The following SLC26A4 variants were observed in gnomAD, a reference collection of about 807,000 sequenced individuals.
SLC26A4 encodes solute carrier family 26 member 4, also known as pendrin.
SLC26A4 carries 93 observed loss-of-function variants against 90.4 expected under a neutral mutation model. The ratio of observed to expected loss-of-function variants is 1.03; its 90% CI spans 0.87 to 1.22. The LOEUF (loss-of-function observed/expected upper bound fraction) is 1.22, where lower values mean the gene tolerates loss of function less well. Among genes scored for constraint, SLC26A4 ranks in the 50% most tolerant of loss-of-function variants. The pLI is 0.00. For synonymous variants in SLC26A4, 393 were observed against 354.6 expected (o/e 1.11, Z -1.22); for missense variants, 1,127 against 946.2 (o/e 1.19, Z -2.51).
rs111033244 is a variant in SLC26A4, at chr7:107,690,125, A to G, written c.1151A>G (p.Glu384Gly). The change falls in exon 10 of 21, where the codon GAA becomes GGA. Residue 384 changes from glutamate to glycine, a missense_variant and splice_region_variant. Transcript: ENST00000644269. ...KYDYTIDGNQ[E>G]FIAFGISNIF... is the part of the protein sequence containing the mutation. ...GTTGTCATCCAGTCTCTTCCTTAGG[A>G]ATTCATTGCCTTTGGGATCAGCAAC... The G allele has an allele frequency of 3.5e-4, 555 of 1,577,404 alleles. No homozygotes were observed. The highest frequency in any genetic ancestry group is 4.7e-4 in the Non-Finnish European group (537 of 1,146,704).
In SLC26A4 at chr7:107,701,740, T is replaced by G. The variant is rs149124215; in HGVS notation, c.1804-87T>G. 1.6e-3 allele frequency: 1,443 copies of G among 885,454 alleles called. 20 individuals carry two copies. In the African/African-American group the frequency reaches 0.022, roughly 13 times the overall value. The allele number at this position is 885,454 out of a possible 1,614,324, so 54.8% of individuals were successfully genotyped here. A position where few individuals can be genotyped will look rare whatever the true frequency, so the allele number is the denominator to read the frequency against. ...TGATGTCTTGCTTACCAAGGAACAG[T>G]GTGTAGGTCTTTTGGATAATTTGAT... On this transcript the variant is annotated intron_variant, in intron 16 of 20. Transcript: ENST00000644269.
intron 18 of SLC26A4, among the ~76,000 whole-genome samples, chr7:107,705,063 G>T (rs1562841224): frequency 6.6e-6 from 1 of 152,218 alleles, no homozygotes; most frequent in East Asian, 1.9e-4. Flanking sequence ...ACCGAAGGCT[G>T]CTCTACTCCT....
At chr7:107,685,193 A>C (rs1242512226) in intron 8 of SLC26A4, among the ~76,000 whole-genome samples, 1 of 152,184 alleles carries the variant, frequency 6.6e-6, no homozygotes, top group Admixed American at 6.5e-5. Flanking sequence ...CTCATCTCAC[A>C]GTAAGCTCTC....
intron 18 of SLC26A4, among the ~76,000 whole-genome samples, chr7:107,706,477 A>G (rs74626916): frequency 6.6e-6 from 1 of 152,152 alleles, no homozygotes; most frequent in Non-Finnish European, 1.5e-5. Flanking sequence ...AATTGCTTTG[A>G]TAGAAATTTT....
intron 20 of SLC26A4, 118 bp downstream of exon 20, chr7:107,712,740 G>GA: frequency 5.6e-6 from 4 of 710,984 alleles, no homozygotes; most frequent in Non-Finnish European, 1.0e-5. Flanking sequence ...CCCAAATGCA[G>GA]AAAAGATGGC....
At chr7:107,677,943 T>G (rs1464625287) in intron 6 of SLC26A4, among the ~76,000 whole-genome samples, 1 of 152,068 alleles carries the variant, frequency 6.6e-6, no homozygotes, top group Non-Finnish European at 1.5e-5. Context: ...AATTAAAATT[T>G]TAAGATTTTA....
chr7:107,683,055 C>T, intron 6 of SLC26A4, 147 bp from the exon 7 acceptor site: 1 of 645,840 alleles, frequency 1.5e-6, no homozygotes, highest in Admixed American at 2.7e-5. Flanking sequence ...TATCATTTTA[C>T]TGAAACTTTT....
intron 3 of SLC26A4, among the ~76,000 whole-genome samples, chr7:107,665,080 G>T (rs370785094): frequency 1.3e-5 from 2 of 152,076 alleles, no homozygotes; most frequent in African/African-American, 4.8e-5. Flanking sequence ...CACTCAAAGC[G>T]GTCTTAGGGG....
chr7:107,661,889 G>T lies in SLC26A4; in HGVS notation c.164+84G>T, dbSNP rs1790567356. On this transcript the variant is annotated intron_variant, in intron 2 of 20. Coordinates refer to ENST00000644269, the MANE Select transcript of SLC26A4 (RefSeq NM_000441.2). This position sits in a 1 kb window ranked among gnomAD's most constrained non-coding sequence, Gnocchi z 5.1. Reference sequence around the variant, plus strand: ...AGGGAAGGGCGTCCCCAGCGGGCGAGAGTGGGGTGCGGGCGGCGGAGCCCC... The same window carrying T: ...AGGGAAGGGCGTCCCCAGCGGGCGATAGTGGGGTGCGGGCGGCGGAGCCCC... 1 of 1,436,534 alleles carries T rather than the reference G, an allele frequency of 7.0e-7. No homozygotes were observed. Among genetic ancestry groups the T allele is most frequent in the Admixed American group, 2.2e-5 (1 of 44,878 alleles). The allele number at this position is 1,436,534 out of a possible 1,614,324, so 89.0% of individuals were successfully genotyped here.
intron 3 of SLC26A4, among the ~76,000 whole-genome samples, chr7:107,665,294 A>T (rs762631222): frequency 3.3e-5 from 5 of 152,232 alleles, no homozygotes; most frequent in Non-Finnish European, 7.3e-5. Context: ...CAGGCCAGGT[A>T]GATGCCCGAA....
chr7:107,685,598 A>G (rs186338519), intron 8 of SLC26A4, among the ~76,000 whole-genome samples: 2 of 152,340 alleles, frequency 1.3e-5, no homozygotes, highest in Admixed American at 6.5e-5. Context: ...ACAGCCAAAA[A>G]CAGTGGCTCC....
At chr7:107,664,686 A>T (rs1475850601) in intron 3 of SLC26A4, among the ~76,000 whole-genome samples, 3 of 152,204 alleles carry the variant, frequency 2.0e-5, no homozygotes, top group Non-Finnish European at 1.5e-5. Flanking sequence ...AAATGTGCCA[A>T]CATAGGTGGT....
In SLC26A4 at chr7:107,686,955, GT is replaced by G. The variant is rs148456847; in HGVS notation, c.1002-2091del. Among the ~76,000 whole-genome samples the G allele has an allele frequency of 1.8e-3, 273 of 152,270 alleles. 1 individual carries two copies. Among genetic ancestry groups the G allele is most frequent in the Middle Eastern group, 3.4e-3 (1 of 294 alleles). On this transcript the variant is annotated intron_variant, in intron 8 of 20. Coordinates refer to ENST00000644269, the MANE Select transcript of SLC26A4 (RefSeq NM_000441.2). Reference sequence around the variant, plus strand: ...GGGGCAAAGCCAACAAAACCACAGGGTTTTTTTCCTGGCTGCTTTCTGAGGG... The same window carrying G: ...GGGGCAAAGCCAACAAAACCACAGGGTTTTTTCCTGGCTGCTTTCTGAGGG...
chr7:107,690,263 C>T lies in SLC26A4; in HGVS notation c.1263+26C>T, dbSNP rs551281195. On this transcript the variant is annotated intron_variant, in intron 10 of 20. Transcript: ENST00000644269. ...GTAGGAACAACAGCCTTATGATATCCATCTCAGAGAACAAGTCGAGGAATG... is the reference window on the plus strand; with the variant it reads ...GTAGGAACAACAGCCTTATGATATCTATCTCAGAGAACAAGTCGAGGAATG... 4 of 1,301,300 alleles carry T rather than the reference C, an allele frequency of 3.1e-6. No homozygotes were observed. The South Asian group carries it at 4.7e-5, about 15-fold the overall frequency. 80.6% of individuals were successfully genotyped at this position (1,301,300 alleles called of 1,614,324 possible).
intron 13 of SLC26A4, among the ~76,000 whole-genome samples, chr7:107,697,202 G>A (rs1042687207): frequency 1.3e-5 from 2 of 152,088 alleles, no homozygotes; most frequent in Non-Finnish European, 2.9e-5. Flanking sequence ...GTGTGGATGT[G>A]GTTGGAAAAG....
intron 10 of SLC26A4, 44 bp downstream of exon 10, chr7:107,690,281 G>A (rs753546824): frequency 1.6e-5 from 19 of 1,170,102 alleles, no homozygotes; most frequent in South Asian, 1.1e-4. Context: ...AGAACAAGTC[G>A]AGGAATGGCA....
intron 3 of SLC26A4, among the ~76,000 whole-genome samples, chr7:107,665,577 G>T (rs1790685117): frequency 6.6e-6 from 1 of 152,142 alleles, no homozygotes; most frequent in African/African-American, 2.4e-5. Context: ...GAAAAAGATT[G>T]AATTGCATTC....
rs1790954303 is a variant in SLC26A4 at position 107,674,247 on chromosome 7, A to G, written c.499A>G (p.Asn167Asp). The G allele has an allele frequency of 6.2e-7, 1 of 1,614,110 alleles. No homozygotes were observed. Among genetic ancestry groups the G allele is most frequent in the Non-Finnish European group, 8.5e-7 (1 of 1,179,992 alleles). Residue 167 changes from asparagine (N) to aspartate (D), a missense_variant, in exon 5 of 21, where the codon AAT (asparagine) becomes GAT (aspartate). Transcript: ENST00000644269. Reference sequence around the variant, plus strand: ...CGAACACTTTCTCGTATCCAGCAGCAATGGAACTGTATTAAATACTACTAT... The same window carrying G: ...CGAACACTTTCTCGTATCCAGCAGCGATGGAACTGTATTAAATACTACTAT... ...PDEHFLVSSS[N>D]GTVLNTTMID...
At chr7:107,694,988 C>CA (rs1231619842) in intron 12 of SLC26A4, among the ~76,000 whole-genome samples, 2 of 151,732 alleles carry the variant, frequency 1.3e-5, no homozygotes, top group South Asian at 2.1e-4. Context: ...ACACAAAAAG[C>CA]AAAAAAATGT....
Sources: gnomAD v4.1 joint callset for allele counts (sites outside exome capture counted in the v4.1 genomes callset) on GRCh38, gnomAD v4.1.1 for gene constraint, Gnocchi (gnomAD v3.1) non-coding constraint, MANE v1.5 for transcripts, NCBI Gene and HGNC (gene_info 2026-07-23, HGNC 2026-07-21) for gene names.